SCN9A: variants seen among roughly 807,000 people sequenced by gnomAD.
SCN9A encodes the protein sodium channel protein type 9 subunit alpha.
A neutral mutation model predicts 187.0 loss-of-function variants in SCN9A; 131 were observed. The observed-to-expected ratio is 0.70, with a 90% CI of 0.61 to 0.81. SCN9A has a LOEUF of 0.81. Ranked by LOEUF, SCN9A falls within the 30% of genes least tolerant of loss-of-function variation. The probability of loss-of-function intolerance (pLI) is 0.00; values close to 1 mark genes in which losing one functional copy is unlikely to be tolerated. For missense variants in SCN9A, 2,252 were observed against 2,396.6 expected, an observed-to-expected ratio of 0.94 and a Z score of 1.26; for synonymous variants, 809 against 808.6, an observed-to-expected ratio of 1.00 and a Z score of -0.01.
chr2:166,296,318 TA>T (rs1698300440), intron 7 of SCN9A, among the ~76,000 whole-genome samples: 1 of 152,240 alleles, frequency 6.6e-6, no homozygotes, highest in South Asian at 2.1e-4. Context: ...GTTAAACTAT[TA>T]TACAATTTGA....
Position 166,284,625 on chromosome 2 carries a change from T to A in SCN9A, c.1802A>T (p.Asn601Ile). 2 of 1,614,014 alleles carry A rather than the reference T, an allele frequency of 1.2e-6. No individual in the cohort carries two copies. The highest frequency in any genetic ancestry group is 1.7e-6 in the Non-Finnish European group (2 of 1,179,882). Residue 601 changes from asparagine to isoleucine, a missense_variant, in exon 12 of 27, where the codon AAC becomes ATC. By Grantham distance (149) the Asn-to-Ile change is moderately radical. Transcript: ENST00000642356. ...TGGGGACCTACTGGCTTGGCTGATGTTACTGCTGCGTCGCTCCTGGGGTCT... is the reference window on the plus strand; with the variant it reads ...TGGGGACCTACTGGCTTGGCTGATGATACTGCTGCGTCGCTCCTGGGGTCT... ...PHRPQERRSS[N>I]ISQASRSPPM...
In SCN9A at chr2:166,310,236, A is replaced by C. The variant is rs1334223704; in HGVS notation, c.258+1263T>G. Among the ~76,000 whole-genome samples the C allele has an allele frequency of 2.7e-4, 25 of 91,224 alleles. No individual in the cohort carries two copies. In the East Asian group the frequency reaches 3.0e-3, roughly 11 times the overall value. The allele number at this position is 91,224 out of a possible 152,430, so 59.8% of individuals were successfully genotyped here. On this transcript the variant is annotated intron_variant, in intron 2 of 26. Transcript: ENST00000642356. Reference sequence around the variant, plus strand: ...ACACCAAAAGCAATGGCAACAAAAGACAAAATTGACAAATGGGATCTAATT... The same window carrying C: ...ACACCAAAAGCAATGGCAACAAAAGCCAAAATTGACAAATGGGATCTAATT...
At chr2:166,273,229 A>G (rs186285790) in intron 16 of SCN9A, among the ~76,000 whole-genome samples, 39 of 152,252 alleles carry the variant, frequency 2.6e-4, no homozygotes, top group African/African-American at 8.9e-4. Context: ...TATGAACCCA[A>G]AAAACTCTCC....
In SCN9A at chr2:166,242,556, G is replaced by A. The variant is rs375710841; in HGVS notation, c.3573C>T (p.His1191=). ...GGACAATGAAGCTTTCAAACCAACT[G>A]TGTTCAACAATCTTGTAGCAGGTTT... is the stretch of plus-strand genomic sequence containing the variant. ...IRKTCYKIVE[H]SWFESFIVLM... is the part of the protein sequence containing the mutation. Residue 1191 remains histidine (H), a synonymous_variant, in exon 19 of 27, where the codon CAC becomes CAT. Transcript: ENST00000642356. 6.2e-5 allele frequency: 99 copies of A among 1,590,870 alleles called. No individual in the cohort carries two copies. The highest frequency in any genetic ancestry group is 5.7e-5 in the Non-Finnish European group (66 of 1,167,870).
intron 17 of SCN9A, among the ~76,000 whole-genome samples, chr2:166,252,958 C>A (rs1446803906): frequency 6.6e-6 from 1 of 151,894 alleles, no homozygotes; most frequent in Non-Finnish European, 1.5e-5. Flanking sequence ...CAACACAATT[C>A]TCTTATTAAG....
chr2:166,209,254 C>A (rs1415193042), intron 24 of SCN9A, among the ~76,000 whole-genome samples: 1 of 151,850 alleles, frequency 6.6e-6, no homozygotes, highest in African/African-American at 2.4e-5. Context: ...GACACCAATG[C>A]AAAGCACAAG....
intron 26 of SCN9A, among the ~76,000 whole-genome samples, chr2:166,201,344 T>C (rs1036348671): frequency 2.7e-5 from 4 of 148,190 alleles, no homozygotes; most frequent in African/African-American, 9.8e-5. Flanking sequence ...TACTATATAG[T>C]ATGTATATAT....
chr2:166,303,997 C>A lies in SCN9A; in HGVS notation c.688+241G>T, dbSNP rs752669367. The A allele has an allele frequency of 2.5e-6, 4 of 1,589,430 alleles. No homozygotes were observed. The African/African-American group carries it at 5.4e-5, about 21-fold the overall frequency. On this transcript the variant is annotated intron_variant, in intron 6 of 26. Coordinates refer to ENST00000642356, the MANE Select transcript of SCN9A (RefSeq NM_001365536.1). ...TTTTTATGTCTTTCTTTCAAAAGAT[C>A]AAAGTCAGCCCTGGTGTTTAACCCC...
chr2:166,352,726 A>G (rs1360289540), intron 1 of SCN9A, among the ~76,000 whole-genome samples: 2 of 152,218 alleles, frequency 1.3e-5, no homozygotes, highest in Non-Finnish European at 2.9e-5. Flanking sequence ...GCATAAGAAG[A>G]TATTGAGACT....
chr2:166,322,226 T>C (rs1699263315), intron 1 of SCN9A, among the ~76,000 whole-genome samples: 1 of 152,194 alleles, frequency 6.6e-6, no homozygotes, highest in African/African-American at 2.4e-5. Context: ...TTGGAGCTTT[T>C]GTAAAATCTT....
chr2:166,311,449 T>C (rs1160742460), intron 2 of SCN9A, 50 bp downstream of exon 2: 2 of 1,391,572 alleles, frequency 1.4e-6, no homozygotes, highest in Non-Finnish European at 1.9e-6. Context: ...ATAATTTTTA[T>C]ACAGAAGGAA....
rs2106461501 is a variant in SCN9A, at chr2:166,272,835, C to T, written c.2915G>A (p.Ser972Asn). ...LFLALLLSSF[S>N]SDNLTAIEED... ...TTCAATTGCTGTAAGATTGTCTGAA[C>T]TAAATGAGCTCAATAATAAGGCCAG... The change falls in exon 17 of 27, where the codon AGT becomes AAT. Residue 972 changes from serine to asparagine, a missense_variant. Physicochemically the swap from Ser to Asn is conservative, Grantham distance 46 (BLOSUM62 1). This residue lies in a region of SCN9A where 119 missense variants were observed against 188.7 expected (regional missense o/e 0.63). Transcript: ENST00000642356. 1.3e-6 allele frequency: 2 copies of T among 1,509,498 alleles called. No individual in the cohort carries two copies. Among genetic ancestry groups the T allele is most frequent in the Non-Finnish European group, 1.8e-6 (2 of 1,132,400 alleles). The allele number at this position is 1,509,498 out of a possible 1,614,324, so 93.5% of individuals were successfully genotyped here.
At chr2:166,264,374 T>A (rs567229386) in intron 17 of SCN9A, among the ~76,000 whole-genome samples, 3 of 152,064 alleles carry the variant, frequency 2.0e-5, no homozygotes, top group African/African-American at 7.2e-5. Context: ...AGAAGAGCCA[T>A]CAGTTCAGTG....
chr2:166,264,074 T>A (rs1365467521), intron 17 of SCN9A, among the ~76,000 whole-genome samples: 1 of 151,956 alleles, frequency 6.6e-6, no homozygotes, highest in Non-Finnish European at 1.5e-5. Flanking sequence ...ATCTTATATA[T>A]CTAGACCCTG....
At chr2:166,356,106 T>A (rs1700146944) in intron 1 of SCN9A, among the ~76,000 whole-genome samples, 1 of 152,176 alleles carries the variant, frequency 6.6e-6, no homozygotes, top group South Asian at 2.1e-4. Flanking sequence ...TGGAGTCTTG[T>A]CTGAGGCTGG....
chr2:166,224,975 T>C (rs1694783612), intron 24 of SCN9A, among the ~76,000 whole-genome samples: 1 of 152,146 alleles, frequency 6.6e-6, no homozygotes, highest in South Asian at 2.1e-4. Context: ...ATCTGACATA[T>C]CATGGAGTCT....
At chr2:166,329,575 G>A (rs1699448658) in intron 1 of SCN9A, among the ~76,000 whole-genome samples, 7 of 128,136 alleles carry the variant, frequency 5.5e-5, no homozygotes, top group Admixed American at 3.8e-4. Flanking sequence ...TTGGGGGGGG[G>A]TTGTTGTTGT....
chr2:166,265,167 A>G (rs948914906), intron 17 of SCN9A, among the ~76,000 whole-genome samples: 7 of 151,844 alleles, frequency 4.6e-5, no homozygotes, highest in African/African-American at 2.4e-5. Context: ...TATTCTTTCT[A>G]TCTCACTGTA....
In SCN9A at chr2:166,196,386, G is replaced by A. The variant is rs199686266; in HGVS notation, c.*2286C>T. 6.6e-6 allele frequency: 1 copy of A among 151,874 alleles called. No homozygotes were observed. Among genetic ancestry groups the A allele is most frequent in the African/African-American group, 2.4e-5 (1 of 41,444 alleles). 9.4% of individuals were successfully genotyped at this position (151,874 alleles called of 1,614,324 possible). A position where few individuals can be genotyped will look rare whatever the true frequency, so the allele number is the denominator to read the frequency against. ...AAAAAAAAACATAGTTCATGAAATAGGAAAAAGAACAACTTTATATATATT... is the reference window on the plus strand; with the variant it reads ...AAAAAAAAACATAGTTCATGAAATAAGAAAAAGAACAACTTTATATATATT... On this transcript the variant is annotated 3_prime_UTR_variant, in exon 27 of 27. Transcript: ENST00000642356.
Sources: allele counts gnomAD v4.1 joint callset (sites outside exome capture counted in the v4.1 genomes callset), GRCh38; gene constraint gnomAD v4.1.1; regional missense constraint gnomAD v4.1.1; transcripts MANE v1.5; gene names NCBI Gene and HGNC (gene_info 2026-07-23, HGNC 2026-07-21).